The following STN1 variants were observed in gnomAD, a reference collection of about 807,000 sequenced individuals.
STN1 encodes STN1 subunit of CST complex, also known as CST complex subunit STN1.
STN1 carries 29 observed loss-of-function variants against 45.5 expected under a neutral mutation model. The ratio of observed to expected loss-of-function variants is 0.64; its 90% CI spans 0.47 to 0.87. STN1 has a LOEUF of 0.87. STN1 is among the 40% of genes least tolerant of loss of function. The probability of loss-of-function intolerance (pLI) is 0.00; values close to 1 mark genes in which losing one functional copy is unlikely to be tolerated. For missense variants in STN1, 376 were observed against 441.4 expected, an observed-to-expected ratio of 0.85 and a Z score of 1.33; for synonymous variants, 148 against 159.0, an observed-to-expected ratio of 0.93 and a Z score of 0.52.
intron 5 of STN1, 132 bp from the exon 6 acceptor site, chr10:103,899,132 C>T (rs1376694203): frequency 1.2e-6 from 1 of 863,344 alleles, no homozygotes. Flanking sequence ...TTGTGAGTGC[C>T]CAGGGATCAC....
chr10:103,896,850 CTTA>C (rs904973018), intron 7 of STN1, among the ~76,000 whole-genome samples: 8 of 151,858 alleles, frequency 5.3e-5, no homozygotes, highest in African/African-American at 1.7e-4. Flanking sequence ...GTTACTTAAT[CTTA>C]TTATGCTTAA....
chr10:103,895,273 T>C (rs1695922236), intron 7 of STN1, among the ~76,000 whole-genome samples: 1 of 152,210 alleles, frequency 6.6e-6, no homozygotes. Context: ...ATGCCAAAGG[T>C]TCCCCACAGA....
In STN1 at chr10:103,882,756, C is replaced by A. The variant is rs751748363; in HGVS notation, c.1035G>T (p.Gln345His). The change falls in exon 10 of 10, where the codon CAG becomes CAT. Residue 345 changes from glutamine (Q) to histidine (H), a missense_variant. Gln to His is a conservative substitution (Grantham distance 24). Coordinates refer to ENST00000224950, the MANE Select transcript of STN1 (RefSeq NM_024928.5). ...IRPGLSEAVL[Q>H]QVLELLEDQS... ...GGTCCTCCAGGAGCTCCAGAACTTG[C>A]TGCAGCACAGCCTCGCTCAGGCCCG... The A allele has an allele frequency of 6.2e-7, 1 of 1,614,196 alleles. No individual in the cohort carries two copies. The highest frequency in any genetic ancestry group is 1.7e-5 in the Admixed American group (1 of 60,026).
At chr10:103,885,289 G>C (rs1222948280) in intron 9 of STN1, among the ~76,000 whole-genome samples, 2 of 152,186 alleles carry the variant, frequency 1.3e-5, no homozygotes, top group Admixed American at 1.3e-4. Flanking sequence ...TTTGATGATG[G>C]AGGGTGAGGG....
At position 103,892,262 on chromosome 10, in the gene STN1, G is replaced by C. The variant is rs368708835; in HGVS notation, c.754-10C>G. On this transcript the variant is annotated splice_polypyrimidine_tract_variant and intron_variant, in intron 7 of 9. Transcript: ENST00000224950. ...CCTTCTTAAAATTCACCTGTAAAGA[G>C]AGGAAAAAGAAAAAAGAAAAGAAAT... 4 of 1,581,764 alleles carry C rather than the reference G, an allele frequency of 2.5e-6. No individual in the cohort carries two copies. In the East Asian group the frequency reaches 6.7e-5, roughly 27 times the overall value.
At chr10:103,884,968 T>A (rs767680183) in intron 9 of STN1, among the ~76,000 whole-genome samples, 1 of 152,176 alleles carries the variant, frequency 6.6e-6, no homozygotes. Context: ...GAACACCTAC[T>A]ATGTGTGCAT....
intron 7 of STN1, among the ~76,000 whole-genome samples, chr10:103,895,589 A>T (rs1329369684): frequency 6.6e-6 from 1 of 152,158 alleles, no homozygotes; most frequent in Non-Finnish European, 1.5e-5. Context: ...GACCCTTTCC[A>T]CTTTGGTGTT....
At position 103,881,496 on chromosome 10, in the gene STN1, G is replaced by A. The variant is rs949015008; in HGVS notation, c.*1188C>T. Among the ~76,000 whole-genome samples the A allele has an allele frequency of 1.3e-5, 2 of 152,206 alleles. No individual in the cohort carries two copies. The highest frequency in any genetic ancestry group is 2.9e-5 in the Non-Finnish European group (2 of 68,022). On this transcript the variant is annotated 3_prime_UTR_variant, in exon 10 of 10. Transcript: ENST00000224950. ...AGCAAAGGTTTGCATCATTACAAAA[G>A]TCTATGACAGGAGGCAATCTACTGG...
At chr10:103,883,504 A>C (rs978471322) in intron 9 of STN1, among the ~76,000 whole-genome samples, 1 of 152,138 alleles carries the variant, frequency 6.6e-6, no homozygotes, top group African/African-American at 2.4e-5. Context: ...TGAGAAAATG[A>C]AATAACTTTT....
chr10:103,911,759 T>C (rs1843292287), intron 2 of STN1, among the ~76,000 whole-genome samples: 2 of 152,134 alleles, frequency 1.3e-5, no homozygotes, highest in Admixed American at 6.5e-5. Context: ...ACATCAAGCA[T>C]AGTCACAGCT....
intron 4 of STN1, among the ~76,000 whole-genome samples, chr10:103,901,985 T>C (rs1233361261): frequency 2.6e-5 from 4 of 152,206 alleles, no homozygotes; most frequent in Non-Finnish European, 5.9e-5. Context: ...TGCTTTTAAA[T>C]TGCAGGAGAG....
chr10:103,897,504 T>C lies in STN1; in HGVS notation c.753+44A>G, dbSNP rs1054438208. The C allele has an allele frequency of 1.9e-6, 3 of 1,570,820 alleles. No individual in the cohort carries two copies. The African/African-American group carries it at 4.0e-5, about 21-fold the overall frequency. ...TCACCCACACCTGCAGTTGCAGATCTGGGGCAGGGAACCAGAATTCTCACA... is the reference window on the plus strand; with the variant it reads ...TCACCCACACCTGCAGTTGCAGATCCGGGGCAGGGAACCAGAATTCTCACA... On this transcript the variant is annotated intron_variant, in intron 7 of 9. Transcript: ENST00000224950.
chr10:103,900,558 T>C (rs888017157), intron 4 of STN1, among the ~76,000 whole-genome samples: 3 of 152,184 alleles, frequency 2.0e-5, no homozygotes, highest in African/African-American at 4.8e-5. Flanking sequence ...TTCTGTACAA[T>C]GAGTTCAGCT....
At chr10:103,886,526 A>AT (rs1317970054) in intron 9 of STN1, among the ~76,000 whole-genome samples, 1 of 152,074 alleles carries the variant, frequency 6.6e-6, no homozygotes, top group Non-Finnish European at 1.5e-5. Flanking sequence ...CAAAATCCAG[A>AT]TTTTGTCAAC....
chr10:103,882,967 C>T, intron 9 of STN1, 126 bp from the exon 10 acceptor site: 1 of 897,604 alleles, frequency 1.1e-6, no homozygotes, highest in South Asian at 1.9e-5. Flanking sequence ...ACATTAAAGT[C>T]AGAAATGCAT....
At chr10:103,912,567 G>A (rs1564635796) in intron 2 of STN1, among the ~76,000 whole-genome samples, 1 of 152,204 alleles carries the variant, frequency 6.6e-6, no homozygotes, top group African/African-American at 2.4e-5. Flanking sequence ...AGGAAAATGA[G>A]CCTCACCCAG....
At chr10:103,890,128 G>A (rs552054179) in intron 8 of STN1, among the ~76,000 whole-genome samples, 27 of 152,182 alleles carry the variant, frequency 1.8e-4, no homozygotes, top group African/African-American at 6.5e-4. Context: ...AAAAGAAACA[G>A]AAAAAGAGAG....
chr10:103,893,671 G>C (rs1338769452), intron 7 of STN1, among the ~76,000 whole-genome samples: 2 of 152,150 alleles, frequency 1.3e-5, no homozygotes, highest in Non-Finnish European at 2.9e-5. Context: ...TTCCTCAAGG[G>C]GAGAGGAAAG....
rs1182404636 is a variant in STN1, at chr10:103,909,436, ATATATATG to A, written c.229+1083_229+1090del. On this transcript the variant is annotated intron_variant, in intron 3 of 9. Coordinates refer to ENST00000224950, the MANE Select transcript of STN1 (RefSeq NM_024928.5). ...TATATGTATATATGTATATATATGT[ATATATATG>A]TATATATGTATATATGTATATATAT... 1.3e-3 allele frequency among the ~76,000 whole-genome samples: 66 copies of A among 49,842 alleles called. 11 individuals are homozygous for A. Among genetic ancestry groups the A allele is most frequent in the African/African-American group, 3.5e-3 (44 of 12,674 alleles). 32.7% of individuals were successfully genotyped at this position (49,842 alleles called of 152,430 possible). A position where few individuals can be genotyped will look rare whatever the true frequency, so the allele number is the denominator to read the frequency against.
Sources: allele counts gnomAD v4.1 joint callset (sites outside exome capture counted in the v4.1 genomes callset), GRCh38; gene constraint gnomAD v4.1.1; transcripts MANE v1.5; gene names NCBI Gene and HGNC (gene_info 2026-07-23, HGNC 2026-07-21).